The following GPC5 variants were observed in gnomAD, a reference collection of about 807,000 sequenced individuals.
GPC5 encodes the protein glypican-5.
GPC5 carries 47 observed loss-of-function variants against 53.9 expected under a neutral mutation model. That is an observed-to-expected ratio of 0.87 (90% confidence interval 0.69 to 1.11). The LOEUF (loss-of-function observed/expected upper bound fraction) is 1.11. Among genes scored for constraint, GPC5 ranks in the 50% most tolerant of loss-of-function variants. The probability of loss-of-function intolerance (pLI) is 0.00; values close to 1 mark genes in which losing one functional copy is unlikely to be tolerated. For missense variants in GPC5, 748 were observed against 713.1 expected, an observed-to-expected ratio of 1.05 and a Z score of -0.56; for synonymous variants, 286 against 263.3, an observed-to-expected ratio of 1.09 and a Z score of -0.84.
At chr13:92,350,758 T>A (rs1012868346) in intron 7 of GPC5, among the ~76,000 whole-genome samples, 1 of 152,196 alleles carries the variant, frequency 6.6e-6, no homozygotes, top group Non-Finnish European at 1.5e-5. Flanking sequence ...GTTGTATATA[T>A]AAATCATCAC....
At chr13:92,146,076 T>C (rs2041864931) in intron 7 of GPC5, among the ~76,000 whole-genome samples, 1 of 152,244 alleles carries the variant, frequency 6.6e-6, no homozygotes, top group Middle Eastern at 3.4e-3. Context: ...GTTTTCTCAT[T>C]AGACACAGTA....
At chr13:92,617,185 C>A (rs1452253229) in intron 7 of GPC5, among the ~76,000 whole-genome samples, 1 of 152,110 alleles carries the variant, frequency 6.6e-6, no homozygotes, top group Non-Finnish European at 1.5e-5. Context: ...GCCTTAGAAC[C>A]AAGTTACTCC....
intron 6 of GPC5, among the ~76,000 whole-genome samples, chr13:91,917,965 C>T (rs922576677): frequency 2.0e-5 from 3 of 152,200 alleles, no homozygotes; most frequent in Non-Finnish European, 4.4e-5. Flanking sequence ...CAGCGCCTCA[C>T]TACCTTGGTA....
chr13:92,859,889 C>T (rs543802225), intron 7 of GPC5, among the ~76,000 whole-genome samples: 1 of 152,098 alleles, frequency 6.6e-6, no homozygotes, highest in South Asian at 2.1e-4. Context: ...AACTGGGTGA[C>T]CATTATTGGA....
At position 91,398,711 on chromosome 13, in the gene GPC5, A is replaced by G. The variant is rs906524727; in HGVS notation, c.-336A>G. The G allele has an allele frequency of 5.2e-4, 136 of 261,270 alleles. No homozygotes were observed. Among genetic ancestry groups the G allele is most frequent in the African/African-American group, 2.9e-3 (129 of 44,110 alleles). The allele number at this position is 261,270 out of a possible 1,614,324, so 16.2% of individuals were successfully genotyped here. A position where few individuals can be genotyped will look rare whatever the true frequency, so the allele number is the denominator to read the frequency against. On this transcript the variant is annotated 5_prime_UTR_variant, in exon 1 of 8. Transcript: ENST00000377067. ...CAGTGGCGGCAGTGGCGGCAGCGGC[A>G]GCAGTTGCAGCAGTGGTGGCCAGAG... is the stretch of plus-strand genomic sequence containing the variant.
At position 91,945,667 on chromosome 13, in the gene GPC5, G is replaced by A. The variant is rs144641272; in HGVS notation, c.1401+37610G>A. 3.3e-3 allele frequency among the ~76,000 whole-genome samples: 497 copies of A among 152,256 alleles called. 7 individuals are homozygous for A. Among genetic ancestry groups the A allele is most frequent in the African/African-American group, 0.011 (464 of 41,558 alleles). ...TTGTAGAATGTGCCCTAGCCTGGTAGCTCAAGGGCCCACTCATCATTTGCT... is the reference window on the plus strand; with the variant it reads ...TTGTAGAATGTGCCCTAGCCTGGTAACTCAAGGGCCCACTCATCATTTGCT... On this transcript the variant is annotated intron_variant, in intron 6 of 7. Coordinates refer to ENST00000377067, the MANE Select transcript of GPC5 (RefSeq NM_004466.6).
intron 2 of GPC5, among the ~76,000 whole-genome samples, chr13:91,553,631 C>A (rs189270936): frequency 6.6e-6 from 1 of 151,992 alleles, no homozygotes; most frequent in African/African-American, 2.4e-5. Context: ...TGTAAGGCAT[C>A]GTTTTATATG....
chr13:92,234,483 G>C (rs565982977), intron 7 of GPC5, among the ~76,000 whole-genome samples: 9 of 152,228 alleles, frequency 5.9e-5, no homozygotes, highest in African/African-American at 2.2e-4. Context: ...AGAGAGTGAG[G>C]ACTAATGAAA....
At chr13:91,924,743 A>C (rs2039750429) in intron 6 of GPC5, among the ~76,000 whole-genome samples, 1 of 152,126 alleles carries the variant, frequency 6.6e-6, no homozygotes, top group African/African-American at 2.4e-5. Context: ...CTTGTATCAA[A>C]AATAATAATC....
chr13:92,168,584 C>G (rs537273053), intron 7 of GPC5, among the ~76,000 whole-genome samples: 1 of 152,228 alleles, frequency 6.6e-6, no homozygotes, highest in South Asian at 2.1e-4. Flanking sequence ...TGAAAAAAAG[C>G]TCGACATCAG....
intron 2 of GPC5, among the ~76,000 whole-genome samples, chr13:91,515,658 T>C (rs1350451475): frequency 6.6e-6 from 1 of 152,220 alleles, no homozygotes; most frequent in Non-Finnish European, 1.5e-5. Flanking sequence ...ACAATTATGA[T>C]GGCATTTAGA....
chr13:92,666,779 A>G (rs1303085265), intron 7 of GPC5, among the ~76,000 whole-genome samples: 1 of 152,216 alleles, frequency 6.6e-6, no homozygotes, highest in East Asian at 1.9e-4. Flanking sequence ...TATTTCTTAA[A>G]TTTCCAGTAC....
chr13:92,256,614 A>G (rs1452702707), intron 7 of GPC5, among the ~76,000 whole-genome samples: 1 of 152,056 alleles, frequency 6.6e-6, no homozygotes, highest in East Asian at 1.9e-4. Context: ...CATGCATCTA[A>G]CATTAACATA....
intron 7 of GPC5, among the ~76,000 whole-genome samples, chr13:92,430,433 TTCAGAG>T (rs1877035013): frequency 6.6e-6 from 1 of 152,178 alleles, no homozygotes; most frequent in South Asian, 2.1e-4. Flanking sequence ...AACGAAACTC[TTCAGAG>T]TCAATCTCAA....
chr13:91,549,159 C>T (rs1018667204), intron 2 of GPC5, among the ~76,000 whole-genome samples: 4 of 151,830 alleles, frequency 2.6e-5, no homozygotes, highest in Non-Finnish European at 5.9e-5. Context: ...ATCCCAACTA[C>T]TCGTGAGGCT....
intron 6 of GPC5, among the ~76,000 whole-genome samples, chr13:91,998,774 C>T (rs187113186): frequency 6.0e-4 from 92 of 152,220 alleles, no homozygotes; most frequent in Admixed American, 1.1e-3. Context: ...CAGGAGGTGG[C>T]GAGTCAGTCT....
chr13:92,195,194 C>G (rs2042248629), intron 7 of GPC5, among the ~76,000 whole-genome samples: 1 of 152,124 alleles, frequency 6.6e-6, no homozygotes, highest in African/African-American at 2.4e-5. Context: ...TAGTTTTGAT[C>G]TCTAATCTAG....
chr13:91,602,733 G>A (rs2033219685), intron 2 of GPC5, among the ~76,000 whole-genome samples: 1 of 151,990 alleles, frequency 6.6e-6, no homozygotes, highest in African/African-American at 2.4e-5. Flanking sequence ...GTGACTATCG[G>A]GTATGTAATT....
intron 7 of GPC5, among the ~76,000 whole-genome samples, chr13:92,700,208 G>A (rs994092178): frequency 1.4e-5 from 2 of 145,700 alleles, no homozygotes; most frequent in Non-Finnish European, 3.0e-5. Flanking sequence ...TTTGAACTTT[G>A]TTGGTTTGAA....
Sources: allele counts gnomAD v4.1 joint callset (sites outside exome capture counted in the v4.1 genomes callset), GRCh38; gene constraint gnomAD v4.1.1; transcripts MANE v1.5; gene names NCBI Gene and HGNC (gene_info 2026-07-23, HGNC 2026-07-21).